Variants in FADS2 observed in about 807,000 individuals in gnomAD.
FADS2 encodes fatty acid desaturase 2, also known as acyl-CoA 6-desaturase.
Under a neutral mutation model 61.2 loss-of-function variants are expected in FADS2, and 18 were observed. The ratio of observed to expected loss-of-function variants is 0.29; its 90% confidence interval spans 0.20 to 0.44. The LOEUF is 0.44. Among genes scored for constraint, FADS2 ranks in the 20% least tolerant of loss-of-function variants. The pLI is 1.00. For missense variants in FADS2, 322 were observed against 572.7 expected (o/e 0.56, Z 4.47); for synonymous variants, 203 against 223.9 (o/e 0.91, Z 0.83).
At chr11:61,827,971 T>G, upstream of FADS2, 60 of 886,724 alleles carry the variant, frequency 6.8e-5, no homozygotes, top group East Asian at 2.2e-4. The surrounding 1 kb of genome is among the most constrained non-coding windows in gnomAD (Gnocchi z 4.5). Context: ...CGCGACCGGA[T>G]TGGTGCAGGC....
rs770345529 is a variant in FADS2, at chr11:61,865,802, C to T, written c.*113C>T. ...GAGAGGCTGGTGTATGCACTGCTCA[C>T]GGACCCCATGTTGGATCTTTCTCCC... On this transcript the variant is annotated 3_prime_UTR_variant, in exon 12 of 12. Transcript: ENST00000278840. This position sits in a 1 kb window ranked among gnomAD's most constrained non-coding sequence, Gnocchi z 4.1. The T allele has an allele frequency of 3.5e-5, 29 of 828,632 alleles. No individual in the cohort carries two copies. Among genetic ancestry groups the T allele is most frequent in the Admixed American group, 9.0e-5 (4 of 44,672 alleles). The allele number at this position is 828,632 out of a possible 1,614,324, so 51.3% of individuals were successfully genotyped here.
Position 61,861,366 on chromosome 11 carries a change from A to AAAAACT in FADS2, c.883-1602_883-1601insCTAAAA. Among the ~76,000 whole-genome samples, 2 of 112,910 alleles carry AAAAACT rather than the reference A, an allele frequency of 1.8e-5. 1 individual carries two copies. Among genetic ancestry groups the AAAAACT allele is most frequent in the South Asian group, 4.9e-4 (2 of 4,100 alleles). The allele number at this position is 112,910 out of a possible 152,430, so 74.1% of individuals were successfully genotyped here. On this transcript the variant is annotated intron_variant, in intron 7 of 11. Coordinates refer to ENST00000278840, the MANE Select transcript of FADS2 (RefSeq NM_004265.4). ...GAGACTCCCTCTCAAAAAAAAAAAAAAAAAACAGAAATTAGCTACTCGGGA... is the reference window on the plus strand; with the variant it reads ...GAGACTCCCTCTCAAAAAAAAAAAAAAAAACTAAAAACAGAAATTAGCTACTCGGGA...
chr11:61,843,561 T>C (rs75766519), intron 4 of FADS2, among the ~76,000 whole-genome samples: 5,694 of 152,326 alleles, frequency 0.037, 170 homozygotes, highest in Middle Eastern at 0.058. Flanking sequence ...AGTAAGGCAC[T>C]CGCTTAGGGT....
Position 61,816,468 on chromosome 11 carries a change from T to G in FADS2, c.141+42T>G, listed in dbSNP as rs1161163468. On this transcript the variant is annotated intron_variant, in intron 1 of 11. Transcript: ENST00000257261. The surrounding 1 kb of genome is among the most constrained non-coding windows in gnomAD (Gnocchi z 7.0). Reference sequence around the variant, plus strand: ...CCGGGCTTTCCTCCGAATTAGTCGGTGTTTGGCTCGGAGTGCGTAACTCTG... The same window carrying G: ...CCGGGCTTTCCTCCGAATTAGTCGGGGTTTGGCTCGGAGTGCGTAACTCTG... 3.1e-6 allele frequency: 5 copies of G among 1,600,886 alleles called. No homozygotes were observed. Among genetic ancestry groups the G allele is most frequent in the Admixed American group, 1.7e-5 (1 of 59,912 alleles).
chr11:61,848,165 T>C lies in FADS2; in HGVS notation c.625T>C (p.Ser209Pro). 6.2e-7 allele frequency: 1 copy of C among 1,614,086 alleles called. No individual in the cohort carries two copies. The highest frequency in any genetic ancestry group is 8.5e-7 in the Non-Finnish European group (1 of 1,179,986). The change falls in exon 5 of 12, where the codon TCT (serine) becomes CCT (proline). Residue 209 changes from serine to proline, a missense_variant. Ser to Pro is a moderately conservative substitution (Grantham distance 74). Transcript: ENST00000278840. Reference protein sequence around the residue: ...KFVIGHLKGASANWWNHRHFQ... With the variant: ...KFVIGHLKGAPANWWNHRHFQ... The stretch of plus-strand genomic sequence containing the variant: ...CACCCCTCTCTCCCCACAGGGTGCC[T>C]CTGCCAACTGGTGGAATCATCGCCA...
chr11:61,837,377 T>C (rs1160935000), intron 1 of FADS2, among the ~76,000 whole-genome samples: 1 of 152,162 alleles, frequency 6.6e-6, no homozygotes, highest in East Asian at 1.9e-4. Context: ...TAGTAAGAGA[T>C]GGTGGGTGGT....
chr11:61,853,307 C>CCTTCCTTCCTT (rs1565334616), intron 5 of FADS2, among the ~76,000 whole-genome samples: 1 of 127,168 alleles, frequency 7.9e-6, no homozygotes, highest in African/African-American at 3.0e-5. Context: ...TTCCTTCCTT[C>CCTTCCTTCCTT]CTTCCTTCCT....
At position 61,828,369 on chromosome 11, in the gene FADS2, G is replaced by A; in HGVS notation, c.-22G>A. The A allele has an allele frequency of 6.4e-7, 1 of 1,551,032 alleles. No individual in the cohort carries two copies. Among genetic ancestry groups the A allele is most frequent in the South Asian group, 1.2e-5 (1 of 84,070 alleles). On this transcript the variant is annotated 5_prime_UTR_variant, in exon 1 of 12. Transcript: ENST00000278840. The surrounding 1 kb of genome is among the most constrained non-coding windows in gnomAD (Gnocchi z 6.4). ...GGCGCGGGGAGGCCGCAGTGCACGG[G>A]GCGTCACAGTCGGCAGGCAGCATGG...
chr11:61,821,580 C>T (rs2067036888), intron 1 of FADS2: 2 of 594,412 alleles, frequency 3.4e-6, no homozygotes, highest in Admixed American at 5.7e-5. Context: ...ACCGGTTGTG[C>T]TCAGCCTCTG....
chr11:61,843,577 A>ATCTAAGGGGACACCAGACAAAT (rs1028346058), intron 4 of FADS2, among the ~76,000 whole-genome samples: 2 of 152,218 alleles, frequency 1.3e-5, no homozygotes, highest in African/African-American at 4.8e-5. Flanking sequence ...AGGGTATAAA[A>ATCTAAGGGGACACCAGACAAAT]TCTAAGGGGA....
chr11:61,821,484 G>T, intron 1 of FADS2: 1 of 695,220 alleles, frequency 1.4e-6, no homozygotes, highest in South Asian at 1.5e-5. Context: ...TTCAAATTTT[G>T]ATCCATTTTA....
At chr11:61,827,890 G>A, upstream of FADS2, 2 of 309,666 alleles carry the variant, frequency 6.5e-6, no homozygotes, top group Non-Finnish European at 9.6e-6. The surrounding 1 kb of genome is among the most constrained non-coding windows in gnomAD (Gnocchi z 4.5). Flanking sequence ...GAGGGCGGGG[G>A]AGCCGGGGAC....
At chr11:61,822,869 A>T (rs547203241) in intron 1 of FADS2, among the ~76,000 whole-genome samples, 1 of 152,130 alleles carries the variant, frequency 6.6e-6, no homozygotes, top group Non-Finnish European at 1.5e-5. Flanking sequence ...CGCTTGTATA[A>T]ATGTTGCGAT....
chr11:61,818,543 C>T (rs907549510), intron 1 of FADS2, among the ~76,000 whole-genome samples: 2 of 152,122 alleles, frequency 1.3e-5, no homozygotes, highest in African/African-American at 2.4e-5. Context: ...GAAATAAACC[C>T]GAGTCCTGAC....
chr11:61,819,304 G>C (rs1054915871), intron 1 of FADS2, among the ~76,000 whole-genome samples: 3 of 152,252 alleles, frequency 2.0e-5, no homozygotes, highest in Admixed American at 6.5e-5. Flanking sequence ...GGTCAGGCGG[G>C]GTGCCTCACG....
intron 5 of FADS2, among the ~76,000 whole-genome samples, chr11:61,852,247 T>C (rs944093230): frequency 3.9e-5 from 6 of 152,076 alleles, no homozygotes; most frequent in Non-Finnish European, 8.8e-5. Context: ...CCCCTTCTCT[T>C]TCTCTCTCTT....
At chr11:61,863,210 T>G in intron 8 of FADS2, 72 bp from the exon 9 acceptor site, 11 of 1,460,842 alleles carry the variant, frequency 7.5e-6, no homozygotes, top group Non-Finnish European at 1.1e-5. Flanking sequence ...CTGGGCTGGT[T>G]GGGAGAGTGG....
chr11:61,816,261 C>T lies in FADS2; in HGVS notation c.-25C>T. The T allele has an allele frequency of 6.3e-7, 1 of 1,598,048 alleles. No individual in the cohort carries two copies. Among genetic ancestry groups the T allele is most frequent in the Non-Finnish European group, 8.5e-7 (1 of 1,179,562 alleles). On this transcript the variant is annotated 5_prime_UTR_variant, in exon 1 of 12. Transcript: ENST00000257261. The surrounding 1 kb of genome is among the most constrained non-coding windows in gnomAD (Gnocchi z 7.0). ...TCGGGGTTCTGTCCCCGCCCAGAGA[C>T]CTGAGGCTCGGGGCTGCAGATGGAA...
chr11:61,818,438 A>G (rs1324977048), intron 1 of FADS2, among the ~76,000 whole-genome samples: 1 of 152,186 alleles, frequency 6.6e-6, no homozygotes, highest in Non-Finnish European at 1.5e-5. Flanking sequence ...GAGCTACAAA[A>G]CATTTTCTAT....
Sources: allele counts gnomAD v4.1 joint callset (sites outside exome capture counted in the v4.1 genomes callset), GRCh38; gene constraint gnomAD v4.1.1; non-coding constraint Gnocchi (gnomAD v3.1); transcripts MANE v1.5; gene names NCBI Gene and HGNC (gene_info 2026-07-23, HGNC 2026-07-21).